The following CSMD3 variants were observed in gnomAD, a reference collection of about 807,000 sequenced individuals.
CSMD3 encodes CUB and sushi domain-containing protein 3.
A neutral mutation model predicts 435.2 loss-of-function variants in CSMD3; 177 were observed. The observed-to-expected ratio is 0.41, with a 90% confidence interval of 0.36 to 0.46. The LOEUF (loss-of-function observed/expected upper bound fraction) is 0.46. Ranked by LOEUF, CSMD3 falls within the 20% of genes least tolerant of loss-of-function variation. The probability of loss-of-function intolerance (pLI) is 0.34; values close to 1 mark genes in which losing one functional copy is unlikely to be tolerated. For synonymous variants in CSMD3, 1,656 were observed against 1,520.5 expected (o/e 1.09, Z -2.07); for missense variants, 4,265 against 4,504.6 (o/e 0.95, Z 1.52).
chr8:112,504,846 G>T (rs1822340212), intron 29 of CSMD3, among the ~76,000 whole-genome samples: 1 of 152,184 alleles, frequency 6.6e-6, no homozygotes, highest in Non-Finnish European at 1.5e-5. Flanking sequence ...GAAATATGGG[G>T]TAAAGGATAG....
At chr8:113,134,269 A>G (rs1261686012) in intron 4 of CSMD3, among the ~76,000 whole-genome samples, 1 of 152,064 alleles carries the variant, frequency 6.6e-6, no homozygotes, top group Non-Finnish European at 1.5e-5. Context: ...TCCTTTCTGT[A>G]TAAACTCAAC....
At chr8:112,562,784 T>C (rs1828745231) in intron 24 of CSMD3, among the ~76,000 whole-genome samples, 1 of 151,760 alleles carries the variant, frequency 6.6e-6, no homozygotes, top group Non-Finnish European at 1.5e-5. Context: ...TTTAAAATTC[T>C]TTATATTTAA....
chr8:112,443,072 T>C (rs976722185), intron 32 of CSMD3, among the ~76,000 whole-genome samples: 1 of 152,222 alleles, frequency 6.6e-6, no homozygotes, highest in Admixed American at 6.5e-5. Flanking sequence ...CATTCTAATG[T>C]TATTTCTTGA....
intron 29 of CSMD3, among the ~76,000 whole-genome samples, chr8:112,505,967 G>T (rs948915866): frequency 2.0e-5 from 3 of 152,002 alleles, no homozygotes; most frequent in African/African-American, 7.2e-5. Flanking sequence ...TGTAAACTAA[G>T]CCCTGTATCA....
intron 31 of CSMD3, among the ~76,000 whole-genome samples, chr8:112,479,898 C>A (rs1403547450): frequency 2.0e-5 from 3 of 152,198 alleles, no homozygotes. Flanking sequence ...CAAGGCACTA[C>A]CTTATGGAGT....
chr8:112,951,703 T>C (rs1247424743), intron 8 of CSMD3, among the ~76,000 whole-genome samples: 1 of 151,768 alleles, frequency 6.6e-6, no homozygotes, highest in Non-Finnish European at 1.5e-5. Context: ...TTTACCTTCT[T>C]AGTCTAGCAT....
At chr8:113,378,041 C>A (rs1246023925) in intron 1 of CSMD3, among the ~76,000 whole-genome samples, 1 of 152,054 alleles carries the variant, frequency 6.6e-6, no homozygotes, top group Non-Finnish European at 1.5e-5. Context: ...GATTACAGCT[C>A]TTTAAATAGA....
intron 38 of CSMD3, among the ~76,000 whole-genome samples, chr8:112,368,476 A>G (rs1828004257): frequency 6.6e-6 from 1 of 152,200 alleles, no homozygotes; most frequent in African/African-American, 2.4e-5. Flanking sequence ...ACATAAACAT[A>G]TTAATAGTGC....
At chr8:113,373,029 T>C (rs1308744702) in intron 1 of CSMD3, among the ~76,000 whole-genome samples, 1 of 152,006 alleles carries the variant, frequency 6.6e-6, no homozygotes, top group African/African-American at 2.4e-5. Flanking sequence ...GTAAAATATA[T>C]CTATCTAATG....
At chr8:113,343,437 G>C (rs979585322) in intron 1 of CSMD3, among the ~76,000 whole-genome samples, 1 of 152,060 alleles carries the variant, frequency 6.6e-6, no homozygotes, top group Non-Finnish European at 1.5e-5. Flanking sequence ...GAAGATCACA[G>C]AGAAAAAAAT....
chr8:113,037,277 C>T (rs2087395032), intron 5 of CSMD3, among the ~76,000 whole-genome samples: 1 of 151,914 alleles, frequency 6.6e-6, no homozygotes, highest in South Asian at 2.1e-4. Context: ...TCATATAAGC[C>T]TGAAAGTAGT....
At chr8:112,789,789 T>C (rs1019876700) in intron 13 of CSMD3, among the ~76,000 whole-genome samples, 3 of 151,984 alleles carry the variant, frequency 2.0e-5, no homozygotes, top group East Asian at 1.9e-4. Context: ...AGTTAAAGGA[T>C]AGAATATGGG....
At chr8:112,404,333 G>C (rs1831584545) in intron 35 of CSMD3, among the ~76,000 whole-genome samples, 1 of 152,000 alleles carries the variant, frequency 6.6e-6, no homozygotes, top group Non-Finnish European at 1.5e-5. Flanking sequence ...TTCAAGACCA[G>C]CCTGACCAAC....
At chr8:113,295,223 A>G (rs1382235552) in intron 2 of CSMD3, among the ~76,000 whole-genome samples, 1 of 152,178 alleles carries the variant, frequency 6.6e-6, no homozygotes, top group Non-Finnish European at 1.5e-5. Context: ...TGCACAATAA[A>G]TTATTGTTGA....
At chr8:112,969,704 G>A (rs1400384407) in intron 7 of CSMD3, among the ~76,000 whole-genome samples, 2 of 151,830 alleles carry the variant, frequency 1.3e-5, no homozygotes, top group Non-Finnish European at 2.9e-5. Flanking sequence ...AACGTTCCCA[G>A]AAGAATATAC....
intron 27 of CSMD3, among the ~76,000 whole-genome samples, chr8:112,528,987 C>G (rs1349953619): frequency 6.6e-6 from 1 of 151,918 alleles, no homozygotes; most frequent in Non-Finnish European, 1.5e-5. Context: ...CAATTGATGC[C>G]CCTAGCTTCA....
At chr8:112,739,752 T>C (rs2077262209) in intron 13 of CSMD3, among the ~76,000 whole-genome samples, 1 of 151,858 alleles carries the variant, frequency 6.6e-6, no homozygotes, top group South Asian at 2.1e-4. Context: ...ATGTATTGTA[T>C]AGCATTGTAT....
At chr8:112,455,043 C>A (rs111811449) in intron 32 of CSMD3, among the ~76,000 whole-genome samples, 1,796 of 149,922 alleles carry the variant, frequency 0.012, 32 homozygotes, top group African/African-American at 0.041. Flanking sequence ...AAAAAAAAAA[C>A]CAACCAATAA....
chr8:113,144,681 T>C (rs1236066293), intron 4 of CSMD3, among the ~76,000 whole-genome samples: 1 of 151,554 alleles, frequency 6.6e-6, no homozygotes, highest in Non-Finnish European at 1.5e-5. Context: ...AAAATTTATC[T>C]GGTCCAATTT....
Sources: gnomAD v4.1 joint callset for allele counts (sites outside exome capture counted in the v4.1 genomes callset) on GRCh38, gnomAD v4.1.1 for gene constraint, MANE v1.5 for transcripts, NCBI Gene and HGNC (gene_info 2026-07-23, HGNC 2026-07-21) for gene names.